The following ARID4B variants were observed in gnomAD, a reference collection of about 807,000 sequenced individuals.
ARID4B encodes the protein AT-rich interactive domain-containing protein 4B.
A neutral mutation model predicts 147.5 loss-of-function variants in ARID4B; 26 were observed. The observed-to-expected ratio is 0.18, with a 90% confidence interval of 0.13 to 0.24. The LOEUF (loss-of-function observed/expected upper bound fraction) is 0.24. Ranked by LOEUF, ARID4B falls within the 10% of genes least tolerant of loss-of-function variation. The pLI is 1.00. For missense variants in ARID4B, 1,179 were observed against 1,511.5 expected (o/e 0.78, Z 3.65); for synonymous variants, 512 against 507.9 (o/e 1.01, Z -0.11).
At chr1:235,327,201 G>C in intron 1 of ARID4B, 1 of 403,732 alleles carries the variant, frequency 2.5e-6, no homozygotes, top group Non-Finnish European at 4.5e-6. Context: ...AGACCCGACG[G>C]AGTTTCCCGT....
chr1:235,180,065 A>C (rs1004336312), intron 20 of ARID4B: 1 of 149,556 alleles, frequency 6.7e-6, no homozygotes, highest in African/African-American at 2.5e-5. Flanking sequence ...GCGAGACTCC[A>C]TCTCAAAAAA....
chr1:235,275,190 G>C (rs374507894), intron 2 of ARID4B, among the ~76,000 whole-genome samples: 96 of 152,286 alleles, frequency 6.3e-4, no homozygotes, highest in Non-Finnish European at 1.1e-3. Context: ...AACATGACAA[G>C]TATCAATTAC....
At chr1:235,202,848 C>T (rs1341807684) in intron 17 of ARID4B, among the ~76,000 whole-genome samples, 1 of 152,022 alleles carries the variant, frequency 6.6e-6, no homozygotes, top group East Asian at 1.9e-4. Flanking sequence ...CCACACCTGG[C>T]CGTAGAATGA....
intron 2 of ARID4B, among the ~76,000 whole-genome samples, chr1:235,264,069 G>A (rs1037982378): frequency 2.0e-5 from 3 of 152,096 alleles, no homozygotes; most frequent in Non-Finnish European, 2.9e-5. Context: ...TCAGAGCAGT[G>A]TTAATTCGTT....
chr1:235,217,631 C>T (rs772692065), intron 16 of ARID4B, among the ~76,000 whole-genome samples: 1 of 152,154 alleles, frequency 6.6e-6, no homozygotes. Context: ...GTATTAAGTA[C>T]GTGCTATGGC....
At chr1:235,262,740 C>A (rs897762641) in intron 2 of ARID4B, among the ~76,000 whole-genome samples, 7 of 152,142 alleles carry the variant, frequency 4.6e-5, no homozygotes, top group Non-Finnish European at 7.4e-5. Flanking sequence ...GAGGCCGAAG[C>A]AGGACTGCTT....
intron 5 of ARID4B, 62 bp from the exon 6 acceptor site, chr1:235,252,871 A>C: frequency 7.3e-7 from 1 of 1,364,616 alleles, no homozygotes; most frequent in Non-Finnish European, 1.0e-6. Flanking sequence ...AAGAGATGAC[A>C]TGTATTACAA....
At chr1:235,262,461 C>T (rs1010949596) in intron 2 of ARID4B, among the ~76,000 whole-genome samples, 2 of 152,152 alleles carry the variant, frequency 1.3e-5, no homozygotes, top group Admixed American at 6.5e-5. Context: ...CATTTCTGCA[C>T]TAATACTTTC....
intron 2 of ARID4B, among the ~76,000 whole-genome samples, chr1:235,271,447 T>C (rs371916986): frequency 6.6e-6 from 1 of 151,846 alleles, no homozygotes; most frequent in African/African-American, 2.4e-5. Context: ...CTGGCCAACA[T>C]GGTGAAACCC....
At chr1:235,309,638 C>T (rs1157675886) in intron 2 of ARID4B, among the ~76,000 whole-genome samples, 2 of 151,544 alleles carry the variant, frequency 1.3e-5, no homozygotes, top group African/African-American at 4.8e-5. Context: ...AAGTGAGGAG[C>T]CCCTCTGCCC....
chr1:235,236,319 G>A (rs1257391043), intron 8 of ARID4B, among the ~76,000 whole-genome samples: 3 of 151,994 alleles, frequency 2.0e-5, no homozygotes, highest in Non-Finnish European at 4.4e-5. Context: ...AAACAACAGT[G>A]AAATGGCTGA....
At chr1:235,313,396 C>T (rs2103283976) in intron 2 of ARID4B, among the ~76,000 whole-genome samples, 1 of 152,038 alleles carries the variant, frequency 6.6e-6, no homozygotes, top group African/African-American at 2.4e-5. Flanking sequence ...ACTTTGACAG[C>T]AATAGTGGCT....
chr1:235,223,062 G>T, intron 13 of ARID4B, 104 bp downstream of exon 13: 1 of 735,400 alleles, frequency 1.4e-6, no homozygotes. Context: ...GGTTTTTACT[G>T]AAAAACTTTG....
intron 17 of ARID4B, among the ~76,000 whole-genome samples, chr1:235,211,076 G>A (rs1405058281): frequency 6.6e-6 from 1 of 152,196 alleles, no homozygotes; most frequent in African/African-American, 2.4e-5. Context: ...GCTCATGCCT[G>A]TAGTCCCAGC....
At chr1:235,248,578 AAAAG>A (rs1427239289) in intron 6 of ARID4B, among the ~76,000 whole-genome samples, 1 of 152,184 alleles carries the variant, frequency 6.6e-6, no homozygotes, top group Non-Finnish European at 1.5e-5. Context: ...GCAGAAAAAT[AAAAG>A]AGAGAGAGAG....
chr1:235,326,086 G>A (rs888241378), intron 2 of ARID4B, among the ~76,000 whole-genome samples: 1 of 151,734 alleles, frequency 6.6e-6, no homozygotes, highest in Non-Finnish European at 1.5e-5. Context: ...ACAAGCTAGT[G>A]TCTAAGTTCC....
rs573103042 is a variant in ARID4B at position 235,209,430 on chromosome 1, C to T, written c.1841+4339G>A. Among the ~76,000 whole-genome samples, 33 of 152,038 alleles carry T rather than the reference C, an allele frequency of 2.2e-4. No individual in the cohort carries two copies. In the East Asian group the frequency reaches 2.5e-3, roughly 12 times the overall value. ...AGGTGACAGTGAGATGATATCACGG[C>T]GCTGCACTCCAGCCTAGACAACAAG... is the stretch of plus-strand genomic sequence containing the variant. On this transcript the variant is annotated intron_variant, in intron 17 of 23. Coordinates refer to ENST00000264183, the MANE Select transcript of ARID4B (RefSeq NM_016374.6).
intron 2 of ARID4B, among the ~76,000 whole-genome samples, chr1:235,317,904 C>G (rs1165053608): frequency 6.6e-6 from 1 of 152,144 alleles, no homozygotes; most frequent in African/African-American, 2.4e-5. Flanking sequence ...AAGTTAAATA[C>G]TCAGCACTCC....
intron 2 of ARID4B, among the ~76,000 whole-genome samples, chr1:235,309,199 C>T (rs553573323): frequency 2.0e-5 from 3 of 150,862 alleles, no homozygotes; most frequent in Non-Finnish European, 4.4e-5. Context: ...CGTCTCTGCC[C>T]GGCCGCCCCG....
Sources: gnomAD v4.1 joint callset for allele counts (sites outside exome capture counted in the v4.1 genomes callset) on GRCh38, gnomAD v4.1.1 for gene constraint, MANE v1.5 for transcripts, NCBI Gene and HGNC (gene_info 2026-07-23, HGNC 2026-07-21) for gene names.